ADGRV1: variants seen among roughly 807,000 people sequenced by gnomAD.
ADGRV1 encodes G-protein coupled receptor 98.
In ADGRV1, 359 loss-of-function variants were observed where a neutral mutation model predicts 596.2. That is an observed-to-expected ratio of 0.60 (90% confidence interval 0.55 to 0.66). The LOEUF (loss-of-function observed/expected upper bound fraction) is 0.66, where lower values mean the gene tolerates loss of function less well. Ranked by LOEUF, ADGRV1 falls within the 30% of genes least tolerant of loss-of-function variation. The pLI is 0.00. For synonymous variants in ADGRV1, 2,681 were observed against 2,679.2 expected (o/e 1.00, Z -0.02); for missense variants, 7,274 against 7,575.6 (o/e 0.96, Z 1.48).
In ADGRV1 at chr5:90,854,060, A is replaced by T. The variant is rs1279862720; in HGVS notation, c.17455-2A>T. 10 of 1,569,916 alleles carry T rather than the reference A, an allele frequency of 6.4e-6. No individual in the cohort carries two copies. Among genetic ancestry groups the T allele is most frequent in the Admixed American group, 1.8e-5 (1 of 56,170 alleles). On this transcript the variant is annotated splice_acceptor_variant, in intron 80 of 89. Transcript: ENST00000405460. LOFTEE classifies it high-confidence loss of function. ...TTATATGTTCTGTTTTTAACATTCTAGGTATTATCTTTGAGTGTGAAAGGT... is the reference window on the plus strand; with the variant it reads ...TTATATGTTCTGTTTTTAACATTCTTGGTATTATCTTTGAGTGTGAAAGGT...
At position 90,731,737 on chromosome 5, in the gene ADGRV1, T is replaced by C. The variant is rs576984630; in HGVS notation, c.10549+1973T>C. On this transcript the variant is annotated intron_variant, in intron 50 of 89. Transcript: ENST00000405460. Reference sequence around the variant, plus strand: ...GGCAGGCACATGGTGCGCCTGTGCCTCAAATCATCCAGCAGTTTTCACACA... The same window carrying C: ...GGCAGGCACATGGTGCGCCTGTGCCCCAAATCATCCAGCAGTTTTCACACA... 2.0e-5 allele frequency among the ~76,000 whole-genome samples: 3 copies of C among 152,334 alleles called. No homozygotes were observed. The East Asian group carries it at 5.8e-4, about 29-fold the overall frequency.
intron 21 of ADGRV1, among the ~76,000 whole-genome samples, chr5:90,665,245 G>T (rs1771119345): frequency 6.6e-6 from 1 of 152,028 alleles, no homozygotes; most frequent in Admixed American, 6.6e-5. Context: ...TTTGGTCCTG[G>T]ACTCTTTTTG....
rs1452115398 is a variant in ADGRV1 at position 90,914,551 on chromosome 5, A to G, written c.17856+50694A>G. On this transcript the variant is annotated intron_variant, in intron 83 of 89. Coordinates refer to ENST00000405460, the MANE Select transcript of ADGRV1 (RefSeq NM_032119.4). ...GAGTTTTAATTTTATGTTGAGTAAA[A>G]CATACCTTTACAGCAAATGTACTAT... Among the ~76,000 whole-genome samples the G allele has an allele frequency of 3.3e-5, 5 of 152,196 alleles. No individual in the cohort carries two copies. In the East Asian group the frequency reaches 7.7e-4, roughly 23 times the overall value.
intron 78 of ADGRV1, among the ~76,000 whole-genome samples, chr5:90,847,608 C>G (rs921127204): frequency 6.6e-6 from 1 of 152,142 alleles, no homozygotes; most frequent in Non-Finnish European, 1.5e-5. Context: ...CAGGAGCCCA[C>G]GGTGGTGGGG....
chr5:90,857,301 G>T (rs1255881929), intron 82 of ADGRV1, among the ~76,000 whole-genome samples: 1 of 151,834 alleles, frequency 6.6e-6, no homozygotes, highest in Non-Finnish European at 1.5e-5. Context: ...ATACAATCTA[G>T]ATGTCATTTT....
intron 83 of ADGRV1, among the ~76,000 whole-genome samples, chr5:90,894,182 C>T (rs75872828): frequency 1.8e-4 from 28 of 152,140 alleles, no homozygotes; most frequent in African/African-American, 6.5e-4. Flanking sequence ...CATTGTGCCC[C>T]ACCCTATGGC....
At chr5:90,592,487 C>T (rs948068520) in intron 1 of ADGRV1, among the ~76,000 whole-genome samples, 1 of 152,178 alleles carries the variant, frequency 6.6e-6, no homozygotes. Flanking sequence ...AAAGACTACA[C>T]GTTGGGTTTA....
chr5:90,677,406 G>C (rs950400553), intron 25 of ADGRV1, among the ~76,000 whole-genome samples: 3 of 152,122 alleles, frequency 2.0e-5, no homozygotes, highest in Admixed American at 6.6e-5. Context: ...CTGTCTAGTA[G>C]GTGGCATATA....
intron 59 of ADGRV1, among the ~76,000 whole-genome samples, chr5:90,770,770 CCT>C (rs766116611): frequency 6.6e-6 from 1 of 152,072 alleles, no homozygotes; most frequent in Non-Finnish European, 1.5e-5. Context: ...GTAAAATTCC[CCT>C]GACTCCTTCT....
intron 70 of ADGRV1, among the ~76,000 whole-genome samples, chr5:90,797,164 G>A (rs1288311188): frequency 6.6e-6 from 1 of 151,562 alleles, no homozygotes; most frequent in African/African-American, 2.4e-5. Flanking sequence ...CCAATTAAAA[G>A]ACACAGACTG....
At chr5:91,123,164 G>A (rs926604560) in intron 87 of ADGRV1, among the ~76,000 whole-genome samples, 2 of 151,596 alleles carry the variant, frequency 1.3e-5, no homozygotes, top group Admixed American at 1.3e-4. Context: ...TTATCTCACA[G>A]GGTTGTTGGG....
At chr5:90,644,037 A>T (rs1767357503) in intron 14 of ADGRV1, 54 bp downstream of exon 14, 1 of 1,249,532 alleles carries the variant, frequency 8.0e-7, no homozygotes, top group Admixed American at 2.8e-5. Flanking sequence ...AAGAAATATA[A>T]TTTTTTTAGT....
intron 1 of ADGRV1, among the ~76,000 whole-genome samples, chr5:90,569,832 G>T (rs1210288708): frequency 6.6e-6 from 1 of 151,708 alleles, no homozygotes; most frequent in East Asian, 1.9e-4. Flanking sequence ...CAATAATTTT[G>T]CTCCTATATA....
chr5:90,725,560 C>T lies in ADGRV1; in HGVS notation c.10065C>T (p.Ile3355=). Residue 3355 remains isoleucine, a synonymous_variant, in exon 48 of 90, where the codon ATC becomes ATT. Transcript: ENST00000405460. ...CTCTGTCCTTGCAGGTACAAACAAT[C>T]ATTATTCTGGAAAGTTCTCAAGTAA... ...SGFKLFLVQT[I]IILESSQVRY... The T allele has an allele frequency of 3.2e-6, 5 of 1,539,488 alleles. No homozygotes were observed. Among genetic ancestry groups the T allele is most frequent in the Non-Finnish European group, 4.5e-6 (5 of 1,112,738 alleles).
chr5:91,008,807 A>C (rs890085932), intron 85 of ADGRV1, among the ~76,000 whole-genome samples: 1 of 152,126 alleles, frequency 6.6e-6, no homozygotes, highest in African/African-American at 2.4e-5. Context: ...GGCCTGTATA[A>C]TTTTACATAA....
At chr5:90,657,510 G>C (rs187007843) in intron 20 of ADGRV1, among the ~76,000 whole-genome samples, 1 of 152,038 alleles carries the variant, frequency 6.6e-6, no homozygotes, top group African/African-American at 2.4e-5. Flanking sequence ...ATGTGCAAGA[G>C]TAAATTTTAA....
rs527421931 is a variant in ADGRV1, at chr5:90,743,865, T to C, written c.10550-1181T>C. ...TCTCATTTTTTCTCCCAGTTTTATT[T>C]AAGTCTGGAAATTATTTAGTATTGT... On this transcript the variant is annotated intron_variant, in intron 50 of 89. Coordinates refer to ENST00000405460, the MANE Select transcript of ADGRV1 (RefSeq NM_032119.4). Among the ~76,000 whole-genome samples, 60 of 152,288 alleles carry C rather than the reference T, an allele frequency of 3.9e-4. No individual in the cohort carries two copies. The South Asian group carries it at 0.012, about 31-fold the overall frequency.
intron 86 of ADGRV1, among the ~76,000 whole-genome samples, chr5:91,100,276 AGTGGGC>A (rs1424627471): frequency 6.6e-6 from 1 of 151,994 alleles, no homozygotes; most frequent in African/African-American, 2.4e-5. Flanking sequence ...ACAAAAATTA[AGTGGGC>A]GTGGTGGCAT....
At chr5:90,910,935 G>T (rs1481255239) in intron 83 of ADGRV1, among the ~76,000 whole-genome samples, 1 of 152,088 alleles carries the variant, frequency 6.6e-6, no homozygotes, top group Non-Finnish European at 1.5e-5. Flanking sequence ...ATGTATTCCT[G>T]TTACAGTTTT....
Sources: gnomAD v4.1 joint callset for allele counts (sites outside exome capture counted in the v4.1 genomes callset) on GRCh38, gnomAD v4.1.1 for gene constraint, MANE v1.5 for transcripts, NCBI Gene and HGNC (gene_info 2026-07-23, HGNC 2026-07-21) for gene names.